The following MTHFD1L variants were observed in gnomAD, a reference collection of about 807,000 sequenced individuals.
MTHFD1L encodes methylenetetrahydrofolate dehydrogenase (NADP+ dependent) 1 like.
A neutral mutation model predicts 119.5 loss-of-function variants in MTHFD1L; 81 were observed. The observed-to-expected ratio is 0.68, with a 90% confidence interval of 0.57 to 0.82. The LOEUF is 0.82. Ranked by LOEUF, MTHFD1L falls within the 40% of genes least tolerant of loss-of-function variation. The pLI is 0.00. For missense variants in MTHFD1L, 1,125 were observed against 1,253.4 expected (o/e 0.90, Z 1.55); for synonymous variants, 430 against 475.2 (o/e 0.90, Z 1.24).
intron 20 of MTHFD1L, 123 bp downstream of exon 20, chr6:150,972,181 G>C: frequency 2.4e-6 from 2 of 823,880 alleles, no homozygotes; most frequent in Non-Finnish European, 3.9e-6. Context: ...CTCTTTCATA[G>C]AGGGTCTCAA....
At chr6:150,938,310 G>A (rs1792474350) in intron 12 of MTHFD1L, among the ~76,000 whole-genome samples, 2 of 152,234 alleles carry the variant, frequency 1.3e-5, no homozygotes, top group Admixed American at 6.5e-5. Context: ...GAGCCACCTC[G>A]CCCAGCCACA....
In MTHFD1L at chr6:150,887,936, CAT is replaced by C. The variant is rs766745131; in HGVS notation, c.736_737del (p.Met246AspfsTer19). Reference protein sequence around the residue: ...LQCLFQRKGSMTMSIQWKTRQ... With the variant: ...LQCLFQRKGSXTMSIQWKTRQ... ...AATGCCTGTTCCAGAGAAAAGGGTC[CAT>C]GACAATGAGCATCCAGTGGAAAACA... is the stretch of plus-strand genomic sequence containing the variant. On this transcript the variant is annotated frameshift_variant, in exon 7 of 28. Transcript: ENST00000367321. LOFTEE classifies it high-confidence loss of function. The C allele has an allele frequency of 6.2e-7, 1 of 1,609,178 alleles. No homozygotes were observed. Among genetic ancestry groups the C allele is most frequent in the Non-Finnish European group, 8.5e-7 (1 of 1,178,160 alleles).
intron 27 of MTHFD1L, among the ~76,000 whole-genome samples, chr6:151,100,974 C>T (rs189412347): frequency 2.2e-4 from 33 of 152,116 alleles, no homozygotes; most frequent in East Asian, 7.7e-4. Context: ...GCCTGGCCAA[C>T]GTGGTGAAAC....
intron 20 of MTHFD1L, among the ~76,000 whole-genome samples, chr6:151,003,161 C>T (rs138444941): frequency 4.4e-4 from 67 of 152,210 alleles, no homozygotes; most frequent in Non-Finnish European, 8.8e-4. Flanking sequence ...TACCTGGATC[C>T]AGGTAAATAA....
intron 20 of MTHFD1L, among the ~76,000 whole-genome samples, chr6:150,995,043 A>G (rs894172647): frequency 2.0e-5 from 3 of 151,944 alleles, no homozygotes; most frequent in African/African-American, 7.3e-5. Context: ...AACTAATCAT[A>G]TTTTTGTCAG....
At chr6:150,904,971 C>A (rs1219555484) in intron 7 of MTHFD1L, among the ~76,000 whole-genome samples, 4 of 151,616 alleles carry the variant, frequency 2.6e-5, no homozygotes, top group African/African-American at 7.3e-5. Context: ...TGTGATGGTG[C>A]CATTATACAG....
In MTHFD1L at chr6:150,865,893, G is replaced by A; in HGVS notation, c.71G>A (p.Arg24His). ...RPPQPPGPPR[R>H]LRVPCRASSG... ...CCCCAGCCCCCGGGCCCTCCGCGCCGCCTCCGTGTGCCCTGTCGCGCTAGC... is the reference window on the plus strand; with the variant it reads ...CCCCAGCCCCCGGGCCCTCCGCGCCACCTCCGTGTGCCCTGTCGCGCTAGC... Residue 24 changes from arginine (R) to histidine (H), a missense_variant, in exon 1 of 28, where the codon CGC becomes CAC. Arg to His is a conservative substitution (Grantham distance 29, BLOSUM62 0). This residue lies in a region of MTHFD1L where 1,058 missense variants were observed against 1,151.2 expected (regional missense o/e 0.92). Transcript: ENST00000367321. 2.5e-6 allele frequency: 3 copies of A among 1,197,686 alleles called. No homozygotes were observed. The highest frequency in any genetic ancestry group is 7.2e-5 in the South Asian group (2 of 27,950). 74.2% of individuals were successfully genotyped at this position (1,197,686 alleles called of 1,614,324 possible).
rs1785165112 is a variant in MTHFD1L at position 151,030,382 on chromosome 6, G to A, written c.2587-4111G>A. The stretch of plus-strand genomic sequence containing the variant: ...TGCTTCCCAAAACCACTGTTCTACT[G>A]CCCGGAGAACACACCCTTCTGGGAG... On this transcript the variant is annotated intron_variant, in intron 24 of 27. Coordinates refer to ENST00000367321, the MANE Select transcript of MTHFD1L (RefSeq NM_015440.5). Among the ~76,000 whole-genome samples, 4 of 152,270 alleles carry A rather than the reference G, an allele frequency of 2.6e-5. No homozygotes were observed. In the South Asian group the frequency reaches 8.3e-4, roughly 32 times the overall value.
intron 26 of MTHFD1L, among the ~76,000 whole-genome samples, chr6:151,058,866 G>A (rs1451794060): frequency 2.0e-5 from 3 of 152,122 alleles, no homozygotes; most frequent in Non-Finnish European, 4.4e-5. Flanking sequence ...TAATAGAGAC[G>A]GGGTTTCACC....
intron 1 of MTHFD1L, among the ~76,000 whole-genome samples, chr6:150,870,621 C>T (rs1474344226): frequency 2.0e-5 from 3 of 151,808 alleles, no homozygotes; most frequent in African/African-American, 7.3e-5. Context: ...AAAAAAAAAC[C>T]CATATATAAG....
At chr6:150,885,498 CTT>C (rs1050742182) in intron 5 of MTHFD1L, 134 bp from the exon 6 acceptor site, 1 of 637,882 alleles carries the variant, frequency 1.6e-6, no homozygotes, top group African/African-American at 1.8e-5. Context: ...GCCTGGTCCT[CTT>C]TAATTCATTT....
chr6:150,921,808 A>G (rs574391500), intron 9 of MTHFD1L, among the ~76,000 whole-genome samples: 27 of 152,338 alleles, frequency 1.8e-4, no homozygotes, highest in Middle Eastern at 6.8e-3. Context: ...TGTGACTTGA[A>G]ATAACCCTGG....
intron 7 of MTHFD1L, among the ~76,000 whole-genome samples, chr6:150,898,119 C>T (rs1784540357): frequency 6.6e-6 from 1 of 152,192 alleles, no homozygotes; most frequent in South Asian, 2.1e-4. Flanking sequence ...GCAGGGATTA[C>T]AGGCATGAGC....
intron 19 of MTHFD1L, 51 bp from the exon 20 acceptor site, chr6:150,971,896 C>T: frequency 6.5e-7 from 1 of 1,530,618 alleles, no homozygotes; most frequent in Non-Finnish European, 9.0e-7. Context: ...TCTTGGTTTC[C>T]ATGCTTCTGT....
At chr6:150,866,973 A>G (rs999624628) in intron 1 of MTHFD1L, among the ~76,000 whole-genome samples, 2 of 152,152 alleles carry the variant, frequency 1.3e-5, no homozygotes, top group Admixed American at 1.3e-4. Context: ...TTCCCCGGCC[A>G]GCGGACCACC....
intron 20 of MTHFD1L, among the ~76,000 whole-genome samples, chr6:150,983,502 G>A (rs1312417087): frequency 1.3e-5 from 2 of 152,146 alleles, no homozygotes; most frequent in Non-Finnish European, 2.9e-5. Flanking sequence ...TAAGGCAGCC[G>A]AGAGTGCTGT....
At chr6:151,007,015 G>GAA (rs1337398634) in intron 20 of MTHFD1L, among the ~76,000 whole-genome samples, 16 of 152,176 alleles carry the variant, frequency 1.1e-4, no homozygotes, top group African/African-American at 3.9e-4. Context: ...AACCAGTCTT[G>GAA]CTGGTGAAAT....
chr6:151,010,416 T>C (rs1252212335), intron 21 of MTHFD1L, among the ~76,000 whole-genome samples: 1 of 152,174 alleles, frequency 6.6e-6, no homozygotes, highest in Non-Finnish European at 1.5e-5. Flanking sequence ...AGTTTTTCGG[T>C]TCACTGATGC....
chr6:151,085,993 C>T (rs1002812166), intron 26 of MTHFD1L, among the ~76,000 whole-genome samples: 3 of 152,086 alleles, frequency 2.0e-5, no homozygotes, highest in African/African-American at 7.2e-5. Context: ...GCAAAGGTTG[C>T]TGAGTCGAAT....
Sources: allele counts gnomAD v4.1 joint callset (sites outside exome capture counted in the v4.1 genomes callset), GRCh38; gene constraint gnomAD v4.1.1; regional missense constraint gnomAD v4.1.1; transcripts MANE v1.5; gene names NCBI Gene and HGNC (gene_info 2026-07-23, HGNC 2026-07-21).